The following LAMA4 variants were observed in gnomAD, a reference collection of about 807,000 sequenced individuals.
The protein encoded by LAMA4 is laminin subunit alpha-4.
In LAMA4, 127 loss-of-function variants were observed where a neutral mutation model predicts 207.1. The observed-to-expected ratio is 0.61, with a 90% confidence interval of 0.53 to 0.71. The LOEUF is 0.71. LAMA4 is among the 30% of genes least tolerant of loss of function. The pLI is 0.00. For missense variants in LAMA4, 2,093 were observed against 2,246.5 expected (o/e 0.93, Z 1.38); for synonymous variants, 761 against 816.0 (o/e 0.93, Z 1.15).
rs782474822 is a variant in LAMA4, at chr6:112,189,255, A to C, written c.719-50T>G. ...GAGAAATGCACTTCTTAATGCTTAAAATATGGCAATATTTTCCTGGTTTCT... is the reference window on the plus strand; with the variant it reads ...GAGAAATGCACTTCTTAATGCTTAACATATGGCAATATTTTCCTGGTTTCT... On this transcript the variant is annotated intron_variant, in intron 6 of 38. Transcript: ENST00000230538. 3.9e-6 allele frequency: 5 copies of C among 1,267,392 alleles called. No homozygotes were observed. The South Asian group carries it at 6.0e-5, about 15-fold the overall frequency. 78.5% of individuals were successfully genotyped at this position (1,267,392 alleles called of 1,614,324 possible). A position where few individuals can be genotyped will look rare whatever the true frequency, so the allele number is the denominator to read the frequency against.
intron 2 of LAMA4, among the ~76,000 whole-genome samples, chr6:112,217,189 C>T (rs1390521747): frequency 2.0e-5 from 3 of 152,132 alleles, no homozygotes; most frequent in African/African-American, 7.2e-5. Flanking sequence ...CTGTCATGCA[C>T]CAATTGACCT....
intron 2 of LAMA4, among the ~76,000 whole-genome samples, chr6:112,253,104 G>T (rs1787578846): frequency 1.3e-5 from 2 of 152,202 alleles, no homozygotes; most frequent in Non-Finnish European, 2.9e-5. Flanking sequence ...CATAGCTATA[G>T]AGTGTGGTGT....
intron 3 of LAMA4, 121 bp downstream of exon 3, chr6:112,216,247 C>T (rs543766147): frequency 5.4e-6 from 4 of 739,796 alleles, no homozygotes; most frequent in South Asian, 4.4e-5. Flanking sequence ...GAAGGGTGAA[C>T]AAAAGCACTT....
At chr6:112,180,833 G>A (rs782045031) in intron 9 of LAMA4, among the ~76,000 whole-genome samples, 10 of 152,162 alleles carry the variant, frequency 6.6e-5, no homozygotes, top group Non-Finnish European at 1.2e-4. Context: ...ATATTGGTGT[G>A]CTACTTCAGA....
chr6:112,174,612 C>G (rs1354592580), intron 11 of LAMA4, among the ~76,000 whole-genome samples: 1 of 152,204 alleles, frequency 6.6e-6, no homozygotes, highest in African/African-American at 2.4e-5. Flanking sequence ...CCTGCCTCAG[C>G]CTCCCTAGTA....
At chr6:112,136,098 C>G in intron 25 of LAMA4, 25 bp downstream of exon 25, 1 of 1,607,038 alleles carries the variant, frequency 6.2e-7, no homozygotes, top group Non-Finnish European at 8.5e-7. Context: ...AAAAACAAAA[C>G]CAACCAAACT....
At chr6:112,125,777 C>G (rs577122034) in intron 31 of LAMA4, among the ~76,000 whole-genome samples, 22 of 152,254 alleles carry the variant, frequency 1.4e-4, no homozygotes, top group Admixed American at 3.9e-4. Flanking sequence ...AAGGAGAAAA[C>G]TAGAAGCAAC....
At chr6:112,226,879 T>G (rs1395566306) in intron 2 of LAMA4, among the ~76,000 whole-genome samples, 1 of 152,156 alleles carries the variant, frequency 6.6e-6, no homozygotes, top group Non-Finnish European at 1.5e-5. Context: ...GTTTATACTG[T>G]ATTTTAAAAC....
At chr6:112,201,740 C>T (rs375486678) in intron 4 of LAMA4, 52 bp from the exon 5 acceptor site, 203 of 1,446,984 alleles carry the variant, frequency 1.4e-4, no homozygotes, top group Non-Finnish European at 1.9e-4. Flanking sequence ...ACCAAAGAGA[C>T]TGTCTTAACT....
chr6:112,213,976 G>T (rs1554357705), intron 3 of LAMA4: 1 of 729,146 alleles, frequency 1.4e-6, no homozygotes, highest in South Asian at 1.5e-5. Context: ...TACAAGAAGT[G>T]TTCATGTTGG....
At chr6:112,179,917 C>T in intron 9 of LAMA4, 1 of 533,032 alleles carries the variant, frequency 1.9e-6, no homozygotes. Flanking sequence ...CTCCTTCCTG[C>T]AATTCCAGTC....
intron 12 of LAMA4, among the ~76,000 whole-genome samples, chr6:112,168,762 CTG>C (rs1781546163): frequency 6.6e-6 from 1 of 151,928 alleles, no homozygotes; most frequent in East Asian, 1.9e-4. Context: ...GCATGTGTGT[CTG>C]TGTGTGTGTC....
chr6:112,161,250 T>C (rs1781035232), intron 13 of LAMA4, among the ~76,000 whole-genome samples: 1 of 152,204 alleles, frequency 6.6e-6, no homozygotes, highest in Non-Finnish European at 1.5e-5. Flanking sequence ...TTCATTCATG[T>C]GTCAAATGAT....
At chr6:112,140,480 G>T (rs1158424963) in intron 22 of LAMA4, among the ~76,000 whole-genome samples, 1 of 152,184 alleles carries the variant, frequency 6.6e-6, no homozygotes, top group African/African-American at 2.4e-5. Flanking sequence ...CCTTCCTGTG[G>T]CAGGTGGGGG....
chr6:112,201,147 A>G (rs1783724089), intron 5 of LAMA4, among the ~76,000 whole-genome samples: 1 of 152,182 alleles, frequency 6.6e-6, no homozygotes, highest in South Asian at 2.1e-4. Flanking sequence ...TAAAGCTGGT[A>G]TAAAGAATGG....
At chr6:112,243,760 T>A (rs927545406) in intron 2 of LAMA4, among the ~76,000 whole-genome samples, 2 of 152,180 alleles carry the variant, frequency 1.3e-5, no homozygotes, top group African/African-American at 4.8e-5. Flanking sequence ...AATCACTAGT[T>A]CTAAAGCTAG....
intron 2 of LAMA4, among the ~76,000 whole-genome samples, chr6:112,228,652 G>C (rs568579768): frequency 6.6e-6 from 1 of 152,340 alleles, no homozygotes; most frequent in East Asian, 1.9e-4. Flanking sequence ...CAAAGCCAGG[G>C]AAAGCTGGAA....
At chr6:112,202,774 C>T (rs1783832529) in intron 4 of LAMA4, among the ~76,000 whole-genome samples, 1 of 152,128 alleles carries the variant, frequency 6.6e-6, no homozygotes, top group Admixed American at 6.5e-5. Context: ...ATTTCTTAGC[C>T]TACTTAAAGA....
In LAMA4 at chr6:112,118,911, T is replaced by C. The variant is rs73541501; in HGVS notation, c.4821+245A>G. Reference sequence around the variant, plus strand: ...CTTGAGACATAAATTTTCATGATAATTTATGCCTCTGAAACTTTTTCATTT... The same window carrying C: ...CTTGAGACATAAATTTTCATGATAACTTATGCCTCTGAAACTTTTTCATTT... On this transcript the variant is annotated intron_variant, in intron 34 of 38. Coordinates refer to ENST00000230538, the MANE Select transcript of LAMA4 (RefSeq NM_001105206.3). The surrounding 1 kb of genome is among the most constrained non-coding windows in gnomAD (Gnocchi z 4.6). Among the ~76,000 whole-genome samples, 8,046 of 152,272 alleles carry C rather than the reference T, an allele frequency of 0.053. 694 individuals are homozygous for C. Among genetic ancestry groups the C allele is most frequent in the African/African-American group, 0.18 (7,574 of 41,540 alleles).
Sources: allele counts gnomAD v4.1 joint callset (sites outside exome capture counted in the v4.1 genomes callset), GRCh38; gene constraint gnomAD v4.1.1; non-coding constraint Gnocchi (gnomAD v3.1); transcripts MANE v1.5; gene names NCBI Gene and HGNC (gene_info 2026-07-23, HGNC 2026-07-21).